Variants in TRANK1 observed in about 807,000 individuals in gnomAD.
TRANK1 encodes the protein TPR and ankyrin repeat-containing protein 1.
A neutral mutation model predicts 266.0 loss-of-function variants in TRANK1; 198 were observed. The observed-to-expected ratio is 0.74, with a 90% CI of 0.66 to 0.84. The LOEUF (loss-of-function observed/expected upper bound fraction) is 0.84, where lower values mean the gene tolerates loss of function less well. Among genes scored for constraint, TRANK1 ranks in the 40% least tolerant of loss-of-function variants. TRANK1 has a pLI of 0.00. For missense variants in TRANK1, 3,326 were observed against 3,634.6 expected (o/e 0.92, Z 2.18); for synonymous variants, 1,396 against 1,384.1 (o/e 1.01, Z -0.19).
At chr3:36,865,411 G>GA (rs1399522012) in intron 9 of TRANK1, among the ~76,000 whole-genome samples, 1 of 152,204 alleles carries the variant, frequency 6.6e-6, no homozygotes, top group Non-Finnish European at 1.5e-5. Flanking sequence ...AGTGACAGCA[G>GA]AAAGATGGCT....
chr3:36,838,080 C>T (rs2078793732), intron 20 of TRANK1, among the ~76,000 whole-genome samples: 1 of 152,092 alleles, frequency 6.6e-6, no homozygotes, highest in Non-Finnish European at 1.5e-5. Context: ...AACCCTTCTG[C>T]CCTTTGGCTT....
intron 1 of TRANK1, among the ~76,000 whole-genome samples, chr3:36,935,541 C>A (rs1178140625): frequency 6.6e-6 from 1 of 151,198 alleles, no homozygotes; most frequent in Non-Finnish European, 1.5e-5. Context: ...ACCTCTGTCT[C>A]CCGGGTTCAA....
Position 36,833,161 on chromosome 3 carries a change from A to C in TRANK1, c.6422T>G (p.Ile2141Ser). The C allele has an allele frequency of 6.2e-7, 1 of 1,613,700 alleles. No homozygotes were observed. The highest frequency in any genetic ancestry group is 8.5e-7 in the Non-Finnish European group (1 of 1,179,736). ...TCTCAAGTTCAAATCCAGGTCAAAA[A>C]TTATTCTTAATATGGGCCCAGGGTC... is the stretch of plus-strand genomic sequence containing the variant. ...QNDPGPILRI[I>S]FDLDLNLREK... is the part of the protein sequence containing the mutation. The change falls in exon 22 of 24, where the codon ATT becomes AGT. Residue 2141 changes from isoleucine (I) to serine (S), a missense_variant. Transcript: ENST00000645898.
At chr3:36,838,005 T>C (rs1488258117) in intron 20 of TRANK1, among the ~76,000 whole-genome samples, 1 of 152,206 alleles carries the variant, frequency 6.6e-6, no homozygotes, top group Non-Finnish European at 1.5e-5. Context: ...TCCATCTAAA[T>C]GCCAGGCCAC....
intron 1 of TRANK1, among the ~76,000 whole-genome samples, chr3:36,939,118 C>A (rs2080463125): frequency 6.6e-6 from 1 of 151,802 alleles, no homozygotes; most frequent in South Asian, 2.1e-4. Flanking sequence ...GCGTGGGCAA[C>A]AGAGCGAAAC....
chr3:36,909,981 A>G (rs752938245), intron 1 of TRANK1, among the ~76,000 whole-genome samples: 2 of 152,246 alleles, frequency 1.3e-5, no homozygotes, highest in Non-Finnish European at 2.9e-5. Context: ...CCATTTGTCC[A>G]ATAAATATTC....
At chr3:36,888,276 A>C (rs1367299964) in intron 8 of TRANK1, among the ~76,000 whole-genome samples, 2 of 152,204 alleles carry the variant, frequency 1.3e-5, no homozygotes, top group Non-Finnish European at 2.9e-5. Context: ...GTTACATGAA[A>C]TATCCAGAAT....
chr3:36,844,816 C>A (rs1344579811), intron 17 of TRANK1, among the ~76,000 whole-genome samples: 1 of 152,158 alleles, frequency 6.6e-6, no homozygotes, highest in East Asian at 1.9e-4. Context: ...CCAGAAATAG[C>A]CTCCAAACTG....
At position 36,880,026 on chromosome 3, in the gene TRANK1, ATG is replaced by A. The variant is rs1490467398; in HGVS notation, c.908-5732_908-5731del. ...CAAATATATGTAAACATGCAAATATATGTAAACATGCAAATATATGTAAACAT... is the reference window on the plus strand; with the variant it reads ...CAAATATATGTAAACATGCAAATATATAAACATGCAAATATATGTAAACAT... On this transcript the variant is annotated intron_variant, in intron 8 of 23. Coordinates refer to ENST00000645898, the MANE Select transcript of TRANK1 (RefSeq NM_001329998.2). 5.4e-3 allele frequency among the ~76,000 whole-genome samples: 351 copies of A among 65,016 alleles called. 127 individuals are homozygous for A. Among genetic ancestry groups the A allele is most frequent in the South Asian group, 7.1e-3 (16 of 2,266 alleles). 42.7% of individuals were successfully genotyped at this position (65,016 alleles called of 152,430 possible).
At position 36,856,206 on chromosome 3, in the gene TRANK1, G is replaced by A. The variant is rs115733864; in HGVS notation, c.3516C>T (p.Asp1172=). The A allele has an allele frequency of 7.8e-4, 1,264 of 1,613,758 alleles. 9 individuals carry two copies. In the African/African-American group the frequency reaches 0.012, roughly 16 times the overall value. ...GTGCACATACTTCTGCAGCTTGGCC[G>A]TCCCCTGCTGGCTCCACACCGGCTC... ...AGGAGVEPAG[D]GQAAEVCAPE... is the part of the protein sequence containing the mutation. Residue 1172 remains aspartate, a synonymous_variant, in exon 13 of 24, where the codon GAC becomes GAT. Transcript: ENST00000645898.
In TRANK1 at chr3:36,832,015, C is replaced by T. The variant is rs756325744; in HGVS notation, c.7568G>A (p.Arg2523Gln). ...KDVTRAIQDF[R>Q]FHLSYLAKVL... ...CTTGGCGAGGTAGGAGAGATGGAAC[C>T]GGAAATCCTGAATGGCTCTTGTCAC... The change falls in exon 22 of 24, where the codon CGG becomes CAG. Residue 2523 changes from arginine to glutamine, a missense_variant. Arg to Gln is a conservative substitution (Grantham distance 43). Coordinates refer to ENST00000645898, the MANE Select transcript of TRANK1 (RefSeq NM_001329998.2). 3.0e-5 allele frequency: 49 copies of T among 1,613,860 alleles called. No individual in the cohort carries two copies. Among genetic ancestry groups the T allele is most frequent in the African/African-American group, 4.0e-5 (3 of 74,916 alleles).
At position 36,856,373 on chromosome 3, in the gene TRANK1, T is replaced by C; in HGVS notation, c.3349A>G (p.Arg1117Gly). The change falls in exon 13 of 24, where the codon AGA becomes GGA. Residue 1117 changes from arginine (R) to glycine (G), a missense_variant. Physicochemically the swap from Arg to Gly is moderately radical, Grantham distance 125. Transcript: ENST00000645898. The stretch of plus-strand genomic sequence containing the variant: ...TTTCCGGGTTCCACTTCCAACCTTC[T>C]CTTCAGCCAGACCTGTTTGGCCAGC... ...PLLAKQVWLK[R>G]RLEVEPGKES... The C allele has an allele frequency of 1.3e-6, 2 of 1,590,012 alleles. No homozygotes were observed. Among genetic ancestry groups the C allele is most frequent in the East Asian group, 4.6e-5 (2 of 43,550 alleles).
intron 22 of TRANK1, 23 bp downstream of exon 22, chr3:36,830,849 GC>G (rs2078682913): frequency 6.4e-7 from 1 of 1,560,094 alleles, no homozygotes. Flanking sequence ...CTCTGCCTGG[GC>G]CCCCATCTCT....
intron 9 of TRANK1, among the ~76,000 whole-genome samples, chr3:36,868,411 T>G (rs17035672): frequency 0.23 from 35,167 of 152,068 alleles, 4,672 homozygotes; most frequent in East Asian, 0.57. Context: ...AATTAAAAAT[T>G]AAAAAGCTCT....
Position 36,838,499 on chromosome 3 carries a change from T to G in TRANK1, c.5390A>C (p.Lys1797Thr). The change falls in exon 20 of 24, where the codon AAG becomes ACG. Residue 1797 changes from lysine (K) to threonine (T), a missense_variant. Transcript: ENST00000645898. ...AGCCAATTCCAAATATTCCAACTGC[T>G]TTTCCCTAGGGGAAGGAAAACAAAA... ...MKSKKVSPKE[K>T]QLEYLELAKT... 1 of 1,614,048 alleles carries G rather than the reference T, an allele frequency of 6.2e-7. No homozygotes were observed. Among genetic ancestry groups the G allele is most frequent in the Non-Finnish European group, 8.5e-7 (1 of 1,179,902 alleles).
At chr3:36,923,014 C>T (rs1019445349) in intron 1 of TRANK1, among the ~76,000 whole-genome samples, 1 of 152,262 alleles carries the variant, frequency 6.6e-6, no homozygotes, top group African/African-American at 2.4e-5. Flanking sequence ...AAATAACTTA[C>T]AATCTTCCAT....
intron 1 of TRANK1, among the ~76,000 whole-genome samples, chr3:36,944,078 A>G (rs1307761921): frequency 6.6e-6 from 1 of 151,988 alleles, no homozygotes; most frequent in African/African-American, 2.4e-5. Context: ...AGTTGGGAGG[A>G]AACGCAACGC....
intron 2 of TRANK1, among the ~76,000 whole-genome samples, chr3:36,905,330 C>G (rs1272579235): frequency 6.6e-6 from 1 of 152,016 alleles, no homozygotes; most frequent in East Asian, 1.9e-4. Context: ...AGCCCTACCC[C>G]TCAATGTGAC....
At chr3:36,880,642 CT>C in intron 8 of TRANK1, 2 of 191,752 alleles carry the variant, frequency 1.0e-5, no homozygotes, top group Admixed American at 4.7e-5. Flanking sequence ...CAATCTACTA[CT>C]TTTTCCACCA....
Sources: gnomAD v4.1 joint callset for allele counts (sites outside exome capture counted in the v4.1 genomes callset) on GRCh38, gnomAD v4.1.1 for gene constraint, MANE v1.5 for transcripts, NCBI Gene and HGNC (gene_info 2026-07-23, HGNC 2026-07-21) for gene names.